COG5: variants seen among roughly 807,000 people sequenced by gnomAD.
COG5 encodes the protein conserved oligomeric Golgi complex subunit 5.
A neutral mutation model predicts 110.4 loss-of-function variants in COG5; 86 were observed. That is an observed-to-expected ratio of 0.78 (90% confidence interval 0.65 to 0.93). The LOEUF (loss-of-function observed/expected upper bound fraction) is 0.93. COG5 is among the 40% of genes least tolerant of loss of function. The pLI is 0.00. For synonymous variants in COG5, 360 were observed against 334.6 expected, an observed-to-expected ratio of 1.08 and a Z score of -0.83; for missense variants, 1,077 against 987.0, an observed-to-expected ratio of 1.09 and a Z score of -1.22.
intron 10 of COG5, among the ~76,000 whole-genome samples, chr7:107,335,999 A>C (rs1810669052): frequency 6.6e-6 from 1 of 152,204 alleles, no homozygotes; most frequent in Admixed American, 6.5e-5. Context: ...AAAAGGAGAG[A>C]TAGATAGCAA....
Position 107,308,836 on chromosome 7 carries a change from T to C in COG5, c.1109-10490A>G, listed in dbSNP as rs541953865. ...TTGTTATCTTTATTGTATACTAAAATTATTCCATCTTTGGTAGATGGTCTA... is the reference window on the plus strand; with the variant it reads ...TTGTTATCTTTATTGTATACTAAAACTATTCCATCTTTGGTAGATGGTCTA... On this transcript the variant is annotated intron_variant, in intron 11 of 21. Coordinates refer to ENST00000297135, the MANE Select transcript of COG5 (RefSeq NM_006348.5). Among the ~76,000 whole-genome samples the C allele has an allele frequency of 1.2e-3, 177 of 151,910 alleles. 2 individuals are homozygous for C. Among genetic ancestry groups the C allele is most frequent in the African/African-American group, 4.0e-3 (168 of 41,502 alleles).
intron 10 of COG5, among the ~76,000 whole-genome samples, chr7:107,355,812 G>C (rs921087729): frequency 6.6e-6 from 1 of 152,192 alleles, no homozygotes; most frequent in South Asian, 2.1e-4. Context: ...AATTTTTTGG[G>C]AAGTGAAACT....
chr7:107,473,977 C>A, intron 6 of COG5: 1 of 671,140 alleles, frequency 1.5e-6, no homozygotes, highest in Non-Finnish European at 2.5e-6. Flanking sequence ...ACAAAGAACA[C>A]GTTATACGTC....
intron 10 of COG5, among the ~76,000 whole-genome samples, chr7:107,359,595 T>C (rs765343431): frequency 6.6e-6 from 1 of 152,092 alleles, no homozygotes; most frequent in African/African-American, 2.4e-5. Flanking sequence ...TGACAAGTTA[T>C]GGTGCTTTTT....
chr7:107,451,364 T>A (rs1795327571), intron 6 of COG5, among the ~76,000 whole-genome samples: 1 of 152,208 alleles, frequency 6.6e-6, no homozygotes, highest in Admixed American at 6.5e-5. Context: ...TTAGACAATC[T>A]AGCAGAATGG....
chr7:107,351,473 C>G (rs992240467), intron 10 of COG5, among the ~76,000 whole-genome samples: 3 of 152,164 alleles, frequency 2.0e-5, no homozygotes, highest in African/African-American at 7.2e-5. Flanking sequence ...TCTAATTAAA[C>G]TGAAGAGCTT....
At chr7:107,518,501 G>T (rs1425051306) in intron 6 of COG5, among the ~76,000 whole-genome samples, 1 of 151,996 alleles carries the variant, frequency 6.6e-6, no homozygotes, top group Non-Finnish European at 1.5e-5. Context: ...AAAAGCAGGG[G>T]TTACAATCCT....
intron 11 of COG5, among the ~76,000 whole-genome samples, chr7:107,323,121 A>C (rs1317949152): frequency 6.6e-5 from 10 of 152,218 alleles, no homozygotes; most frequent in African/African-American, 2.4e-4. Context: ...TTTATGTTTA[A>C]AATTGGTGAC....
chr7:107,306,391 T>A (rs931668251), intron 11 of COG5, among the ~76,000 whole-genome samples: 4 of 152,144 alleles, frequency 2.6e-5, no homozygotes, highest in Admixed American at 2.0e-4. Context: ...CTAAAGCTAA[T>A]TGTAAATAAA....
At chr7:107,469,531 T>A (rs1796507635) in intron 6 of COG5, among the ~76,000 whole-genome samples, 2 of 152,140 alleles carry the variant, frequency 1.3e-5, no homozygotes, top group African/African-American at 2.4e-5. Flanking sequence ...AATACTGAAG[T>A]CATGACAATG....
At chr7:107,481,448 A>G (rs1797335668) in intron 6 of COG5, among the ~76,000 whole-genome samples, 1 of 152,186 alleles carries the variant, frequency 6.6e-6, no homozygotes, top group South Asian at 2.1e-4. Context: ...TGTAGGAGTG[A>G]GAAATACATA....
intron 19 of COG5, among the ~76,000 whole-genome samples, chr7:107,217,761 A>G (rs561652856): frequency 6.6e-6 from 1 of 152,230 alleles, no homozygotes; most frequent in African/African-American, 2.4e-5. Context: ...CATTATACTC[A>G]ATGGTGAAAA....
intron 10 of COG5, among the ~76,000 whole-genome samples, chr7:107,341,038 G>A (rs148137817): frequency 3.8e-3 from 571 of 152,128 alleles, no homozygotes; most frequent in Non-Finnish European, 5.4e-3. Context: ...GAACAATCAG[G>A]TAAGAGAAAG....
intron 11 of COG5, among the ~76,000 whole-genome samples, chr7:107,300,322 A>G (rs1807153361): frequency 6.6e-6 from 1 of 152,160 alleles, no homozygotes; most frequent in African/African-American, 2.4e-5. Context: ...GGTTCTGGCC[A>G]GTGCAATGAG....
rs941415102 is a variant in COG5 at position 107,474,946 on chromosome 7, C to A, written c.538+52291G>T. 1.2e-6 allele frequency: 2 copies of A among 1,612,376 alleles called. No homozygotes were observed. The highest frequency in any genetic ancestry group is 1.7e-6 in the Non-Finnish European group (2 of 1,179,262). On this transcript the variant is annotated intron_variant, in intron 6 of 21. Transcript: ENST00000297135. This position sits in a 1 kb window ranked among gnomAD's most constrained non-coding sequence, Gnocchi z 5.7. Reference sequence around the variant, plus strand: ...AGTTTCTGTAATAATTGCCCTCCGGCGAGCTGTGAAACGACACCGTGAACG... The same window carrying A: ...AGTTTCTGTAATAATTGCCCTCCGGAGAGCTGTGAAACGACACCGTGAACG...
intron 17 of COG5, among the ~76,000 whole-genome samples, chr7:107,246,604 G>A (rs185274405): frequency 6.6e-6 from 1 of 152,136 alleles, no homozygotes; most frequent in African/African-American, 2.4e-5. Context: ...CATGCAGCCA[G>A]CAATCACATG....
At chr7:107,343,189 T>C (rs564207554) in intron 10 of COG5, among the ~76,000 whole-genome samples, 51 of 152,220 alleles carry the variant, frequency 3.4e-4, no homozygotes, top group African/African-American at 1.2e-3. Context: ...GACATGAAGA[T>C]GGCAACAAGA....
intron 10 of COG5, among the ~76,000 whole-genome samples, chr7:107,360,887 C>A (rs1017458027): frequency 2.6e-5 from 4 of 152,176 alleles, no homozygotes; most frequent in African/African-American, 9.7e-5. Context: ...GAGGGCGGAA[C>A]GAGCCCAGCG....
chr7:107,365,310 T>C (rs113340039), intron 8 of COG5, among the ~76,000 whole-genome samples: 91 of 152,020 alleles, frequency 6.0e-4, no homozygotes, highest in Middle Eastern at 3.4e-3. Flanking sequence ...TTCTCTTGAA[T>C]GCCAATGAAA....
Sources: gnomAD v4.1 joint callset for allele counts (sites outside exome capture counted in the v4.1 genomes callset) on GRCh38, gnomAD v4.1.1 for gene constraint, Gnocchi (gnomAD v3.1) non-coding constraint, MANE v1.5 for transcripts, NCBI Gene and HGNC (gene_info 2026-07-23, HGNC 2026-07-21) for gene names.